Variants in ZNF16 observed in about 807,000 individuals in gnomAD.
The protein encoded by ZNF16 is zinc finger protein 16, also known as zinc finger protein KOX9.
A neutral mutation model predicts 9.0 loss-of-function variants in ZNF16; 7 were observed. That is an observed-to-expected ratio of 0.78 (90% confidence interval 0.44 to 1.47). The LOEUF (loss-of-function observed/expected upper bound fraction) is 1.47. Ranked by LOEUF, ZNF16 falls within the 40% of genes most tolerant of loss-of-function variation. ZNF16 has a pLI of 0.01. For missense variants in ZNF16, 830 were observed against 854.2 expected, an observed-to-expected ratio of 0.97 and a Z score of 0.35; for synonymous variants, 312 against 301.5, an observed-to-expected ratio of 1.03 and a Z score of -0.36.
In ZNF16 at chr8:144,949,405, T is replaced by C. The variant is rs144408178; in HGVS notation, c.-10+1392A>G. 5.9e-5 allele frequency among the ~76,000 whole-genome samples: 9 copies of C among 152,290 alleles called. No homozygotes were observed. The East Asian group carries it at 1.5e-3, about 26-fold the overall frequency. ...ACCAGGAACCACGAACCCACCCTTG[T>C]CTCCCATGCGCTGGGAACCACCCCA... On this transcript the variant is annotated intron_variant, in intron 1 of 2. Coordinates refer to ENST00000394909, the MANE Select transcript of ZNF16 (RefSeq NM_006958.3).
In ZNF16 at chr8:144,932,973, C is replaced by T. The variant is rs539112326; in HGVS notation, c.197-383G>A. Among the ~76,000 whole-genome samples, 1 of 152,340 alleles carries T rather than the reference C, an allele frequency of 6.6e-6. No homozygotes were observed. Among genetic ancestry groups the T allele is most frequent in the African/African-American group, 2.4e-5 (1 of 41,560 alleles). On this transcript the variant is annotated intron_variant, in intron 2 of 2. Coordinates refer to ENST00000394909, the MANE Select transcript of ZNF16 (RefSeq NM_006958.3). The surrounding 1 kb of genome is among the most constrained non-coding windows in gnomAD (Gnocchi z 5.0). ...TCTACCTCAGAGTGCAGCCCAAATC[C>T]AGGTGCTTCTCACTTCTCCCACCTG... is the stretch of plus-strand genomic sequence containing the variant.
In ZNF16 at chr8:144,931,885, G is replaced by C. The variant is rs759469956; in HGVS notation, c.902C>G (p.Ala301Gly). ...TTTAAGGCTCGAGTTCTGGCTGAAGGCTTTTCCACATTCATTACACATATA... is the reference window on the plus strand; with the variant it reads ...TTTAAGGCTCGAGTTCTGGCTGAAGCCTTTTCCACATTCATTACACATATA... ...RPYMCNECGK[A>G]FSQNSSLKKH... Residue 301 changes from alanine to glycine, a missense_variant, in exon 3 of 3, where the codon GCC becomes GGC. Coordinates refer to ENST00000394909, the MANE Select transcript of ZNF16 (RefSeq NM_006958.3). The C allele has an allele frequency of 3.1e-6, 5 of 1,614,100 alleles. No individual in the cohort carries two copies. Among genetic ancestry groups the C allele is most frequent in the East Asian group, 4.5e-5 (2 of 44,888 alleles).
At chr8:144,945,179 C>T (rs1204972006) in intron 2 of ZNF16, 1 of 151,646 alleles carries the variant, frequency 6.6e-6, no homozygotes, top group East Asian at 1.9e-4. Context: ...ACTCCAGTTG[C>T]CCAGGCTAGA....
chr8:144,945,907 C>T, intron 2 of ZNF16, 104 bp downstream of exon 2: 1 of 1,514,692 alleles, frequency 6.6e-7, no homozygotes, highest in Non-Finnish European at 8.9e-7. Flanking sequence ...CCGTCACCCT[C>T]CCTACCTGTG....
Position 144,946,096 on chromosome 8 carries a change from C to G in ZNF16, c.111G>C (p.Val37=). 1 of 1,612,704 alleles carries G rather than the reference C, an allele frequency of 6.2e-7. No homozygotes were observed. The highest frequency in any genetic ancestry group is 8.5e-7 in the Non-Finnish European group (1 of 1,179,042). Reference sequence around the variant, plus strand: ...CACAGGCTGCAGATCCAGGGTGGGTCACAGCAGGAGCATCTCTCACACGGG... The same window carrying G: ...CACAGGCTGCAGATCCAGGGTGGGTGACAGCAGGAGCATCTCTCACACGGG... ...AQARVRDAPA[V]THPGSAACGT... is the part of the protein sequence containing the mutation. Residue 37 remains valine (V), a synonymous_variant, in exon 2 of 3, where the codon GTG becomes GTC. Transcript: ENST00000394909.
chr8:144,938,540 C>T (rs938329697), intron 2 of ZNF16, among the ~76,000 whole-genome samples: 9 of 152,152 alleles, frequency 5.9e-5, no homozygotes, highest in Admixed American at 4.6e-4. Flanking sequence ...GAATTCCTTC[C>T]TTAATTTCCT....
chr8:144,934,157 C>T (rs565406562), intron 2 of ZNF16, among the ~76,000 whole-genome samples: 26 of 152,336 alleles, frequency 1.7e-4, no homozygotes, highest in African/African-American at 6.0e-4. Flanking sequence ...CCAAACCGGC[C>T]CAGCTCTCAC....
At chr8:144,941,851 G>A (rs570058577) in intron 2 of ZNF16, among the ~76,000 whole-genome samples, 1 of 151,368 alleles carries the variant, frequency 6.6e-6, no homozygotes, top group South Asian at 2.1e-4. Context: ...GTAGAGATGG[G>A]GTTTCACTGT....
rs1563918951 is a variant in ZNF16, at chr8:144,932,146, C to T, written c.641G>A (p.Cys214Tyr). The T allele has an allele frequency of 2.5e-6, 4 of 1,614,224 alleles. No individual in the cohort carries two copies. The African/African-American group carries it at 4.0e-5, about 16-fold the overall frequency. ...AGGATTTCCTTGGAAGGTTTTCCCA[C>T]ACTCATTACATATGAGTGGACTTTC... ...TAESPLICNE[C>Y]GKTFQGNPDL... The change falls in exon 3 of 3, where the codon TGT becomes TAT. Residue 214 changes from cysteine to tyrosine, a missense_variant. Cys to Tyr is a radical substitution (Grantham distance 194). Transcript: ENST00000394909. The surrounding 1 kb of genome is among the most constrained non-coding windows in gnomAD (Gnocchi z 5.0).
At chr8:144,941,848 T>C (rs926808110) in intron 2 of ZNF16, among the ~76,000 whole-genome samples, 238 of 150,748 alleles carry the variant, frequency 1.6e-3, no homozygotes, top group African/African-American at 3.8e-3. Context: ...TTAGTAGAGA[T>C]GGGGTTTCAC....
At chr8:144,946,364 G>A (rs1441613307) in intron 1 of ZNF16, 149 bp from the exon 2 acceptor site, 11 of 727,388 alleles carry the variant, frequency 1.5e-5, no homozygotes, top group African/African-American at 7.2e-5. Context: ...CTGATGCTGT[G>A]TTTCCTGATC....
Position 144,930,616 on chromosome 8 carries a change from T to G in ZNF16, c.*122A>C. The G allele has an allele frequency of 9.0e-7, 1 of 1,116,996 alleles. No homozygotes were observed. The highest frequency in any genetic ancestry group is 1.3e-6 in the Non-Finnish European group (1 of 798,774). 69.2% of individuals were successfully genotyped at this position (1,116,996 alleles called of 1,614,324 possible). The stretch of plus-strand genomic sequence containing the variant: ...GGAGGGTCCCAGGCTATGTGGCCAC[T>G]GGATGTAGGCAGTGAGCTGAGTCCA... On this transcript the variant is annotated 3_prime_UTR_variant, in exon 3 of 3. Transcript: ENST00000394909.
At chr8:144,950,071 C>T (rs140312940) in intron 1 of ZNF16, among the ~76,000 whole-genome samples, 3,297 of 152,292 alleles carry the variant, frequency 0.022, 111 homozygotes, top group African/African-American at 0.072. Context: ...GCAATGCTGC[C>T]TTGTTATTCT....
rs200246033 is a variant in ZNF16, at chr8:144,931,779, G to A, written c.1008C>T (p.Leu336=). ...CAGAATGGATTCTTTGATGTTGGAT[G>A]AGGTTTGAGCTCCGCCTAAAAGCCT... is the stretch of plus-strand genomic sequence containing the variant. ...CGKAFRRSSN[L]IQHQRIHSGE... is the part of the protein sequence containing the mutation. The change falls in exon 3 of 3, where the codon CTC becomes CTT. Residue 336 remains leucine (L), a synonymous_variant. Coordinates refer to ENST00000394909, the MANE Select transcript of ZNF16 (RefSeq NM_006958.3). 2.9e-5 allele frequency: 47 copies of A among 1,614,070 alleles called. No homozygotes were observed. The highest frequency in any genetic ancestry group is 3.9e-5 in the Non-Finnish European group (46 of 1,180,046).
chr8:144,949,659 T>C lies in ZNF16; in HGVS notation c.-10+1138A>G, dbSNP rs565689289. On this transcript the variant is annotated intron_variant, in intron 1 of 2. Coordinates refer to ENST00000394909, the MANE Select transcript of ZNF16 (RefSeq NM_006958.3). ...TTAAGGGATCTAGGGCTGTGCAGGA[T>C]GTGCCTTGTTAACAAAATGTTTACA... Among the ~76,000 whole-genome samples, 77 of 152,350 alleles carry C rather than the reference T, an allele frequency of 5.1e-4. 1 individual carries two copies. The highest frequency in any genetic ancestry group is 9.1e-4 in the Admixed American group (14 of 15,302).
intron 1 of ZNF16, among the ~76,000 whole-genome samples, chr8:144,947,271 G>A (rs1290575434): frequency 2.7e-4 from 22 of 82,562 alleles, no homozygotes; most frequent in African/African-American, 1.2e-3. Context: ...TGTGGGGCCT[G>A]TACCCTGCTG....
chr8:144,941,997 A>C (rs1216648442), intron 2 of ZNF16, among the ~76,000 whole-genome samples: 1 of 77,492 alleles, frequency 1.3e-5, no homozygotes, highest in African/African-American at 6.3e-5. Flanking sequence ...TTTTTTTTTG[A>C]GAGGGAGTCT....
intron 2 of ZNF16, among the ~76,000 whole-genome samples, chr8:144,939,823 T>G (rs1457358090): frequency 2.0e-5 from 3 of 152,166 alleles, no homozygotes; most frequent in Non-Finnish European, 4.4e-5. Context: ...TTTTGTAAGG[T>G]CACTAGTAAT....
intron 2 of ZNF16, among the ~76,000 whole-genome samples, chr8:144,942,052 A>G (rs1833812860): frequency 1.5e-5 from 2 of 130,416 alleles, no homozygotes. Flanking sequence ...ATCTTGGCTC[A>G]TTGCAAGCTC....
Sources: allele counts gnomAD v4.1 joint callset (sites outside exome capture counted in the v4.1 genomes callset), GRCh38; gene constraint gnomAD v4.1.1; non-coding constraint Gnocchi (gnomAD v3.1); transcripts MANE v1.5; gene names NCBI Gene and HGNC (gene_info 2026-07-23, HGNC 2026-07-21).